CIMAP1C: variants seen among roughly 807,000 people sequenced by gnomAD.
CIMAP1C encodes ciliary microtubule associated protein 1C, also known as outer dense fiber of sperm tails 3 like 1.
chr15:75,727,129 T>C, the CIMAP1C span: 1 of 1,613,938 alleles, frequency 6.2e-7, no homozygotes, highest in Non-Finnish European at 8.5e-7. Flanking sequence ...AACGCAGGGC[T>C]CCCCAGTACA....
chr15:75,726,289 G>C, the CIMAP1C span: 50 of 653,924 alleles, frequency 7.6e-5, no homozygotes, highest in East Asian at 1.3e-3. Context: ...TCTGGATGCC[G>C]GTATCTCCCT....
chr15:75,726,457 T>C, the CIMAP1C span, among the ~76,000 whole-genome samples: 1 of 152,304 alleles, frequency 6.6e-6, no homozygotes, highest in African/African-American at 2.4e-5. Context: ...GATCTCAGAA[T>C]GTTTCTGTGT....
the CIMAP1C span, chr15:75,725,293 A>C: frequency 8.8e-7 from 1 of 1,140,414 alleles, no homozygotes; most frequent in East Asian, 2.3e-5. Flanking sequence ...ACATGGAGCC[A>C]TTCTCTGTAG....
chr15:75,726,979 C>T, the CIMAP1C span: 3 of 1,538,326 alleles, frequency 2.0e-6, no homozygotes, highest in African/African-American at 1.4e-5. Context: ...CAGTGGATAA[C>T]CAGGACCATC....
chr15:75,725,971 G>A, the CIMAP1C span: 1 of 772,208 alleles, frequency 1.3e-6, no homozygotes, highest in Non-Finnish European at 2.2e-6. Flanking sequence ...ATCTGAAGTG[G>A]GAGGGAGATC....
chr15:75,726,189 ACAG>A, the CIMAP1C span: 1 of 1,400,464 alleles, frequency 7.1e-7, no homozygotes, highest in Non-Finnish European at 1.0e-6. Flanking sequence ...GGGGTTATGG[ACAG>A]ATGTTGGGGG....
chr15:75,726,588 C>T, the CIMAP1C span, among the ~76,000 whole-genome samples: 1 of 152,082 alleles, frequency 6.6e-6, no homozygotes, highest in Non-Finnish European at 1.5e-5. Flanking sequence ...ATCCTGATGT[C>T]AGGATGGCCT....
At chr15:75,727,154 C>A in the CIMAP1C span, 1 of 1,614,078 alleles carries the variant, frequency 6.2e-7, no homozygotes. Flanking sequence ...TGGCTACCGG[C>A]GCCCATACAG....
chr15:75,727,124 A>T, the CIMAP1C span: 16 of 1,613,838 alleles, frequency 9.9e-6, no homozygotes, highest in African/African-American at 1.3e-5. Flanking sequence ...GGGGGAACGC[A>T]GGGCTCCCCA....
chr15:75,727,607 T>G, the CIMAP1C span: 1 of 1,478,092 alleles, frequency 6.8e-7, no homozygotes, highest in Non-Finnish European at 9.0e-7. Flanking sequence ...AATTGAGCAA[T>G]TTGACCAAGA....
At chr15:75,727,358 C>A in the CIMAP1C span, 3 of 1,614,030 alleles carry the variant, frequency 1.9e-6, no homozygotes, top group African/African-American at 2.7e-5. Context: ...CTATCAGAAC[C>A]GCAGCCCTAC....
chr15:75,727,221 C>T, the CIMAP1C span: 7 of 1,614,050 alleles, frequency 4.3e-6, no homozygotes, highest in Non-Finnish European at 5.9e-6. Context: ...TTGCTGGGGC[C>T]CAACACCCCT....
chr15:75,727,203 T>A, the CIMAP1C span: 5 of 1,614,064 alleles, frequency 3.1e-6, no homozygotes, highest in Non-Finnish European at 3.4e-6. Context: ...CAGTACCAGA[T>A]GCCACTCTTG....
chr15:75,727,249 C>T, the CIMAP1C span: 1 of 1,614,190 alleles, frequency 6.2e-7, no homozygotes, highest in East Asian at 2.2e-5. Context: ...GAGCTGCTCC[C>T]TGCTACAGTC....
the CIMAP1C span, chr15:75,727,411 G>T: frequency 6.2e-7 from 1 of 1,613,848 alleles, no homozygotes; most frequent in Non-Finnish European, 8.5e-7. Flanking sequence ...TGGACCTCAC[G>T]CCACGGCCTG....
chr15:75,724,600 A>G, the CIMAP1C span, among the ~76,000 whole-genome samples: 4 of 152,242 alleles, frequency 2.6e-5, no homozygotes, highest in Non-Finnish European at 5.9e-5. Flanking sequence ...CTCAAGGGAC[A>G]GCAGACGCTA....
chr15:75,727,126 G>C, the CIMAP1C span: 3 of 1,613,836 alleles, frequency 1.9e-6, no homozygotes, highest in Non-Finnish European at 2.5e-6. Context: ...GGGAACGCAG[G>C]GCTCCCCAGT....
At chr15:75,725,276 G>T in the CIMAP1C span, 2 of 1,295,902 alleles carry the variant, frequency 1.5e-6, no homozygotes, top group Non-Finnish European at 2.2e-6. Context: ...GGAGGTTGAG[G>T]GGAGAGACAT....
chr15:75,726,802 G>A, the CIMAP1C span, among the ~76,000 whole-genome samples: 1 of 152,132 alleles, frequency 6.6e-6, no homozygotes, highest in Non-Finnish European at 1.5e-5. Context: ...TTTTAGTAGA[G>A]ATGGGGTTTC....
Sources: gnomAD v4.1 joint callset for allele counts (sites outside exome capture counted in the v4.1 genomes callset) on GRCh38, gnomAD v4.1.1 for gene constraint, MANE v1.5 for transcripts, NCBI Gene and HGNC (gene_info 2026-07-23, HGNC 2026-07-21) for gene names.